CSMD1: variants seen among roughly 807,000 people sequenced by gnomAD.
The protein encoded by CSMD1 is CUB and sushi domain-containing protein 1.
Under a neutral mutation model 417.5 loss-of-function variants are expected in CSMD1, and 213 were observed. The observed-to-expected ratio is 0.51, with a 90% CI of 0.46 to 0.57. The LOEUF (loss-of-function observed/expected upper bound fraction) is 0.57, where lower values mean the gene tolerates loss of function less well. Ranked by LOEUF, CSMD1 falls within the 20% of genes least tolerant of loss-of-function variation. The pLI is 0.00. For synonymous variants in CSMD1, 2,862 were observed against 1,736.8 expected, an observed-to-expected ratio of 1.65 and a Z score of -16.11; for missense variants, 6,923 against 4,529.7, an observed-to-expected ratio of 1.53 and a Z score of -15.17.
chr8:3,119,407 A>AAC (rs1817063244), intron 41 of CSMD1, among the ~76,000 whole-genome samples: 1 of 134,336 alleles, frequency 7.4e-6, no homozygotes, highest in South Asian at 2.4e-4. Context: ...AAAAAAAAAA[A>AAC]AAAAACACTG....
At chr8:4,896,740 T>A (rs373491974) in intron 1 of CSMD1, among the ~76,000 whole-genome samples, 1 of 152,008 alleles carries the variant, frequency 6.6e-6, no homozygotes, top group East Asian at 1.9e-4. Flanking sequence ...AGTCCTCCGA[T>A]TCTAAGCAAG....
chr8:3,942,369 T>G (rs1192293644), intron 5 of CSMD1, among the ~76,000 whole-genome samples: 1 of 152,166 alleles, frequency 6.6e-6, no homozygotes, highest in African/African-American at 2.4e-5. Flanking sequence ...AGAGGACGGC[T>G]ACCTTAACCC....
intron 5 of CSMD1, among the ~76,000 whole-genome samples, chr8:3,785,510 T>A (rs1799410448): frequency 6.6e-6 from 1 of 152,186 alleles, no homozygotes; most frequent in African/African-American, 2.4e-5. Flanking sequence ...TTAACGGCAG[T>A]CAAACACCTA....
At chr8:3,886,602 A>G (rs1806580545) in intron 5 of CSMD1, among the ~76,000 whole-genome samples, 1 of 152,172 alleles carries the variant, frequency 6.6e-6, no homozygotes, top group Non-Finnish European at 1.5e-5. Flanking sequence ...AAGTCCCTGG[A>G]GTCAGATTTG....
At chr8:4,653,501 C>G (rs989750232) in intron 1 of CSMD1, among the ~76,000 whole-genome samples, 2 of 152,068 alleles carry the variant, frequency 1.3e-5, no homozygotes, top group African/African-American at 4.8e-5. Flanking sequence ...CTTACAGACA[C>G]CAGACTTTCT....
At chr8:3,443,920 A>G (rs978179341) in intron 12 of CSMD1, among the ~76,000 whole-genome samples, 3 of 152,320 alleles carry the variant, frequency 2.0e-5, no homozygotes, top group African/African-American at 7.2e-5. Flanking sequence ...ATTATGAGAT[A>G]TTCTAATTCC....
Position 3,396,182 on chromosome 8 carries a change from G to A in CSMD1, c.2593+12C>T. 3 of 1,554,240 alleles carry A rather than the reference G, an allele frequency of 1.9e-6. No homozygotes were observed. The highest frequency in any genetic ancestry group is 1.2e-5 in the South Asian group (1 of 84,198). ...CTGCCCTGCCGGGCTGTCAAGGGAAGGTGCAACTCACTCTCATAGTGGATG... is the reference window on the plus strand; with the variant it reads ...CTGCCCTGCCGGGCTGTCAAGGGAAAGTGCAACTCACTCTCATAGTGGATG... On this transcript the variant is annotated intron_variant, in intron 17 of 69. Coordinates refer to ENST00000635120, the MANE Select transcript of CSMD1 (RefSeq NM_033225.6).
intron 1 of CSMD1, among the ~76,000 whole-genome samples, chr8:4,937,213 A>AAAGT (rs1554524555): frequency 6.6e-6 from 1 of 151,068 alleles, no homozygotes; most frequent in Admixed American, 6.6e-5. Context: ...GCCCTGTCTC[A>AAAGT]AAATAAATAA....
chr8:3,742,607 G>C (rs553733932), intron 6 of CSMD1, among the ~76,000 whole-genome samples: 47 of 152,192 alleles, frequency 3.1e-4, no homozygotes, highest in African/African-American at 1.1e-3. Context: ...TTCACCCTAG[G>C]ACGTGCCCAG....
At chr8:3,312,248 G>C (rs1805408871) in intron 23 of CSMD1, among the ~76,000 whole-genome samples, 1 of 152,148 alleles carries the variant, frequency 6.6e-6, no homozygotes, top group African/African-American at 2.4e-5. Flanking sequence ...ACTACACCTT[G>C]TCATACAGAA....
chr8:3,945,791 A>C (rs1336262024), intron 5 of CSMD1, among the ~76,000 whole-genome samples: 1 of 152,104 alleles, frequency 6.6e-6, no homozygotes, highest in Non-Finnish European at 1.5e-5. Flanking sequence ...ATGAGAAGCA[A>C]TTTCAGACTT....
Position 4,781,076 on chromosome 8 carries a change from T to A in CSMD1, c.86-143518A>T, listed in dbSNP as rs147878208. On this transcript the variant is annotated intron_variant, in intron 1 of 69. Transcript: ENST00000635120. Reference sequence around the variant, plus strand: ...TCATTTTCCTTTCTGTGTCCCGCCGTCTTGTTAAGATACACTCTCATCTTC... The same window carrying A: ...TCATTTTCCTTTCTGTGTCCCGCCGACTTGTTAAGATACACTCTCATCTTC... Among the ~76,000 whole-genome samples the A allele has an allele frequency of 4.7e-3, 713 of 152,318 alleles. 6 individuals are homozygous for A. The highest frequency in any genetic ancestry group is 0.016 in the African/African-American group (685 of 41,568).
At chr8:3,987,590 C>G (rs1814428572) in intron 5 of CSMD1, among the ~76,000 whole-genome samples, 1 of 152,160 alleles carries the variant, frequency 6.6e-6, no homozygotes, top group African/African-American at 2.4e-5. Context: ...ATTCCTCGTT[C>G]TTCTCACTCT....
intron 5 of CSMD1, among the ~76,000 whole-genome samples, chr8:3,813,384 G>A (rs960263489): frequency 6.6e-6 from 1 of 152,078 alleles, no homozygotes; most frequent in Non-Finnish European, 1.5e-5. Flanking sequence ...AACAGTCTAG[G>A]AGATTTAAGG....
At chr8:3,357,660 T>C (rs1808882545) in intron 21 of CSMD1, among the ~76,000 whole-genome samples, 2 of 152,212 alleles carry the variant, frequency 1.3e-5, no homozygotes, top group Non-Finnish European at 2.9e-5. Flanking sequence ...GATGTCACCT[T>C]GATTTCATTG....
intron 3 of CSMD1, among the ~76,000 whole-genome samples, chr8:4,183,002 A>G (rs2131183296): frequency 6.6e-6 from 1 of 152,312 alleles, no homozygotes; most frequent in South Asian, 2.1e-4. Context: ...TTTCAAGTAA[A>G]GAGTAATTAC....
chr8:3,198,034 C>G (rs182781308), intron 33 of CSMD1, among the ~76,000 whole-genome samples: 67 of 152,222 alleles, frequency 4.4e-4, no homozygotes, highest in African/African-American at 1.5e-3. Flanking sequence ...CTCTTGAGGA[C>G]AAGAAAAATA....
intron 1 of CSMD1, among the ~76,000 whole-genome samples, chr8:4,762,634 C>A (rs184729791): frequency 2.4e-4 from 36 of 152,068 alleles, no homozygotes; most frequent in African/African-American, 8.5e-4. Flanking sequence ...TTGCATAGGA[C>A]GCAGCGTCTC....
chr8:3,591,013 T>C (rs1800820922), intron 8 of CSMD1, among the ~76,000 whole-genome samples: 1 of 152,146 alleles, frequency 6.6e-6, no homozygotes, highest in Admixed American at 6.6e-5. Flanking sequence ...GAAAGAAGTC[T>C]CAGAGGAAAA....
Sources: allele counts gnomAD v4.1 joint callset (sites outside exome capture counted in the v4.1 genomes callset), GRCh38; gene constraint gnomAD v4.1.1; transcripts MANE v1.5; gene names NCBI Gene and HGNC (gene_info 2026-07-23, HGNC 2026-07-21).